Variants in ADAMTSL1 observed in about 807,000 individuals in gnomAD.
ADAMTSL1 encodes the protein ADAMTS like 1, also known as ADAMTS-like protein 1.
A neutral mutation model predicts 201.8 loss-of-function variants in ADAMTSL1; 126 were observed. The observed-to-expected ratio is 0.62, with a 90% CI of 0.54 to 0.72. The LOEUF (loss-of-function observed/expected upper bound fraction) is 0.72, where lower values mean the gene tolerates loss of function less well. ADAMTSL1 is among the 30% of genes least tolerant of loss of function. ADAMTSL1 has a pLI of 0.00. For missense variants in ADAMTSL1, 2,679 were observed against 2,277.8 expected, an observed-to-expected ratio of 1.18 and a Z score of -3.59; for synonymous variants, 1,121 against 903.4, an observed-to-expected ratio of 1.24 and a Z score of -4.32.
chr9:18,892,045 A>C (rs1829308955), intron 25 of ADAMTSL1, among the ~76,000 whole-genome samples: 1 of 152,174 alleles, frequency 6.6e-6, no homozygotes, highest in East Asian at 1.9e-4. Flanking sequence ...CTCCACATTC[A>C]GCCTTCATGG....
intron 1 of ADAMTSL1, among the ~76,000 whole-genome samples, chr9:17,989,643 C>T (rs944671821): frequency 3.0e-4 from 45 of 152,106 alleles, no homozygotes; most frequent in African/African-American, 1.1e-3. Flanking sequence ...ATTGAGAATA[C>T]TCCCTTTGCC....
intron 3 of ADAMTSL1, among the ~76,000 whole-genome samples, chr9:18,553,579 T>C (rs1260526146): frequency 1.3e-5 from 2 of 151,856 alleles, no homozygotes; most frequent in African/African-American, 4.8e-5. Flanking sequence ...GAGTATATCC[T>C]TTAGACTTTC....
intron 2 of ADAMTSL1, among the ~76,000 whole-genome samples, chr9:18,219,543 A>AT (rs1387982448): frequency 2.0e-5 from 3 of 151,730 alleles, no homozygotes; most frequent in Admixed American, 1.3e-4. Flanking sequence ...TAATTTTTGT[A>AT]TTTTTAGTAG....
chr9:18,007,946 A>G (rs1819898006), intron 1 of ADAMTSL1, among the ~76,000 whole-genome samples: 1 of 152,060 alleles, frequency 6.6e-6, no homozygotes, highest in South Asian at 2.1e-4. Flanking sequence ...GCCTCAGACC[A>G]TCTGACACAT....
At chr9:18,833,382 T>C (rs1825111471) in intron 23 of ADAMTSL1, among the ~76,000 whole-genome samples, 1 of 152,256 alleles carries the variant, frequency 6.6e-6, no homozygotes. Context: ...TTTTTGACTT[T>C]TTATTAATAG....
intron 2 of ADAMTSL1, among the ~76,000 whole-genome samples, chr9:18,296,160 T>C (rs890886342): frequency 2.0e-5 from 3 of 152,136 alleles, no homozygotes; most frequent in Non-Finnish European, 2.9e-5. Flanking sequence ...ATTCAAAATA[T>C]GAAACATTCT....
intron 1 of ADAMTSL1, among the ~76,000 whole-genome samples, chr9:17,949,760 A>G (rs1370703844): frequency 6.6e-6 from 1 of 152,166 alleles, no homozygotes; most frequent in Non-Finnish European, 1.5e-5. Flanking sequence ...AACATGTGCA[A>G]CTAATGTGTG....
At chr9:18,824,198 G>GA in intron 21 of ADAMTSL1, among the ~76,000 whole-genome samples, 1 of 151,548 alleles carries the variant, frequency 6.6e-6, no homozygotes, top group African/African-American at 2.4e-5. Flanking sequence ...TTTTAAATGG[G>GA]AAAAAAACTA....
intron 2 of ADAMTSL1, among the ~76,000 whole-genome samples, chr9:18,388,409 A>G (rs1244343963): frequency 6.6e-6 from 1 of 151,776 alleles, no homozygotes; most frequent in Non-Finnish European, 1.5e-5. Context: ...GAGTAGCGGA[A>G]ACTACAGGCA....
At chr9:18,290,438 T>C (rs1833205847) in intron 2 of ADAMTSL1, among the ~76,000 whole-genome samples, 1 of 152,110 alleles carries the variant, frequency 6.6e-6, no homozygotes, top group Non-Finnish European at 1.5e-5. Context: ...CCAAAGAATG[T>C]GGCTGGGGTT....
chr9:18,312,591 C>A (rs748760071), intron 2 of ADAMTSL1, among the ~76,000 whole-genome samples: 8 of 152,136 alleles, frequency 5.3e-5, no homozygotes, highest in African/African-American at 1.7e-4. Context: ...CCAAGACGTT[C>A]CCACTGGGTA....
chr9:18,692,466 C>A (rs773474009), intron 13 of ADAMTSL1, among the ~76,000 whole-genome samples: 3 of 151,448 alleles, frequency 2.0e-5, no homozygotes, highest in African/African-American at 4.8e-5. Context: ...AAAGCTAAAT[C>A]TGAACTGTCG....
At chr9:18,639,021 A>G (rs1053711131) in intron 6 of ADAMTSL1, among the ~76,000 whole-genome samples, 3 of 152,124 alleles carry the variant, frequency 2.0e-5, no homozygotes, top group Non-Finnish European at 4.4e-5. Context: ...TTTTGACAGG[A>G]ACCCTTGAAT....
intron 20 of ADAMTSL1, among the ~76,000 whole-genome samples, chr9:18,810,797 GT>G (rs1215174884): frequency 1.3e-5 from 2 of 152,050 alleles, no homozygotes; most frequent in Non-Finnish European, 2.9e-5. Context: ...AGATGGCATA[GT>G]TACACTTTTC....
intron 1 of ADAMTSL1, among the ~76,000 whole-genome samples, chr9:18,073,946 A>G (rs1052338473): frequency 1.3e-5 from 2 of 151,456 alleles, no homozygotes; most frequent in Admixed American, 1.3e-4. Context: ...ACGGGAGGTT[A>G]TCAGCCTGTT....
Position 18,178,781 on chromosome 9 carries a change from T to C in ADAMTSL1, c.207+14800T>C, listed in dbSNP as rs527527538. 3.9e-4 allele frequency among the ~76,000 whole-genome samples: 60 copies of C among 152,136 alleles called. 1 individual carries two copies. The South Asian group carries it at 0.012, about 31-fold the overall frequency. ...AGCAGGGGCAGACTGACACCTCACATGGCCAGGTACTCCAACAGAACTGCA... is the reference window on the plus strand; with the variant it reads ...AGCAGGGGCAGACTGACACCTCACACGGCCAGGTACTCCAACAGAACTGCA... On this transcript the variant is annotated intron_variant, in intron 2 of 29. Coordinates refer to the ADAMTSL1 transcript ENST00000680146.
At chr9:18,660,355 G>A (rs1190734950) in intron 8 of ADAMTSL1, among the ~76,000 whole-genome samples, 1 of 152,156 alleles carries the variant, frequency 6.6e-6, no homozygotes, top group Non-Finnish European at 1.5e-5. Flanking sequence ...ATTTTGCTTA[G>A]TGTAAAATTT....
intron 3 of ADAMTSL1, among the ~76,000 whole-genome samples, chr9:18,536,458 T>C (rs1587491318): frequency 6.8e-6 from 1 of 147,394 alleles, no homozygotes; most frequent in African/African-American, 2.5e-5. Flanking sequence ...TTTTTTTTTT[T>C]CCTGAAAAGC....
chr9:18,714,270 A>C (rs1314679917), intron 14 of ADAMTSL1, among the ~76,000 whole-genome samples: 1 of 151,222 alleles, frequency 6.6e-6, no homozygotes, highest in Non-Finnish European at 1.5e-5. Flanking sequence ...TGAAGGAAAT[A>C]GAGACACAAA....
Sources: allele counts gnomAD v4.1 joint callset (sites outside exome capture counted in the v4.1 genomes callset), GRCh38; gene constraint gnomAD v4.1.1; transcripts MANE v1.5; gene names NCBI Gene and HGNC (gene_info 2026-07-23, HGNC 2026-07-21).